Variants in THSD7B observed in about 807,000 individuals in gnomAD.
The protein encoded by THSD7B is thrombospondin type-1 domain-containing protein 7B.
A neutral mutation model predicts 213.6 loss-of-function variants in THSD7B; 138 were observed. The observed-to-expected ratio is 0.65, with a 90% CI of 0.56 to 0.74. The LOEUF (loss-of-function observed/expected upper bound fraction) is 0.74, where lower values mean the gene tolerates loss of function less well. THSD7B is among the 30% of genes least tolerant of loss of function. The pLI is 0.00. For missense variants in THSD7B, 1,931 were observed against 1,991.5 expected, an observed-to-expected ratio of 0.97 and a Z score of 0.58; for synonymous variants, 742 against 687.0, an observed-to-expected ratio of 1.08 and a Z score of -1.25.
rs1291034873 is a variant in THSD7B, at chr2:137,657,089, G to A, written c.4304G>A (p.Trp1435Ter). The change falls in exon 24 of 28, where the codon TGG becomes TAG. Residue 1435 changes from tryptophan to a stop codon, truncating the protein, a stop_gained. Transcript: ENST00000409968. LOFTEE classifies it high-confidence loss of function. ...GGAGGCAAATGTTATCACTACACAT[G>A]GAAAGCAAGTCTTTGGAACAATAAC... ...CTGGKCYHYT[W>*]KASLWNNNER... 1 of 1,613,984 alleles carries A rather than the reference G, an allele frequency of 6.2e-7. No homozygotes were observed. The highest frequency in any genetic ancestry group is 8.5e-7 in the Non-Finnish European group (1 of 1,179,894).
intron 2 of THSD7B, among the ~76,000 whole-genome samples, chr2:136,897,690 AC>A (rs1419746108): frequency 6.6e-6 from 1 of 152,172 alleles, no homozygotes; most frequent in African/African-American, 2.4e-5. Flanking sequence ...TGCTGATTGG[AC>A]CATTTTACAG....
chr2:137,078,460 A>T (rs1687676353), intron 3 of THSD7B, among the ~76,000 whole-genome samples: 1 of 152,142 alleles, frequency 6.6e-6, no homozygotes, highest in South Asian at 2.1e-4. Context: ...AAGAGTTCTA[A>T]CCCACACCAT....
At chr2:136,874,615 C>T (rs996194059) in intron 1 of THSD7B, among the ~76,000 whole-genome samples, 4 of 152,002 alleles carry the variant, frequency 2.6e-5, no homozygotes, top group African/African-American at 4.8e-5. Context: ...AGGGCTTCAA[C>T]GATAAGAATA....
chr2:137,225,568 G>T (rs1260858241), intron 7 of THSD7B, among the ~76,000 whole-genome samples: 7 of 152,104 alleles, frequency 4.6e-5, no homozygotes, highest in Non-Finnish European at 1.0e-4. Context: ...AAAACTTTGA[G>T]AAAGTTTTTT....
At chr2:137,645,589 A>T (rs1683015778) in intron 21 of THSD7B, among the ~76,000 whole-genome samples, 1 of 152,016 alleles carries the variant, frequency 6.6e-6, no homozygotes, top group African/African-American at 2.4e-5. Context: ...CTAGGAGCAC[A>T]CTGTTATTTG....
chr2:137,530,301 C>T (rs1292156495), intron 15 of THSD7B, among the ~76,000 whole-genome samples: 1 of 151,878 alleles, frequency 6.6e-6, no homozygotes, highest in African/African-American at 2.4e-5. Context: ...ATGCCTCATA[C>T]CTCTATTAAA....
chr2:137,329,008 G>A (rs899040950), intron 12 of THSD7B, among the ~76,000 whole-genome samples: 1 of 152,104 alleles, frequency 6.6e-6, no homozygotes, highest in Non-Finnish European at 1.5e-5. Context: ...GCAGTAAATT[G>A]GTACCACAAA....
chr2:137,295,027 C>T (rs955756014), intron 12 of THSD7B, among the ~76,000 whole-genome samples: 4 of 152,034 alleles, frequency 2.6e-5, no homozygotes, highest in African/African-American at 9.7e-5. Context: ...TACTCACATA[C>T]TACTTTCATG....
At chr2:137,218,143 G>C (rs188826542) in intron 7 of THSD7B, among the ~76,000 whole-genome samples, 11 of 152,192 alleles carry the variant, frequency 7.2e-5, no homozygotes, top group African/African-American at 2.6e-4. Context: ...CTCTTAAGTA[G>C]ACATCCAATA....
chr2:137,488,839 T>C (rs1296936253), intron 15 of THSD7B, among the ~76,000 whole-genome samples: 1 of 152,170 alleles, frequency 6.6e-6, no homozygotes, highest in Non-Finnish European at 1.5e-5. Context: ...GCCTATCCTG[T>C]AGGATGAGCC....
At chr2:137,512,723 A>C (rs1573676358) in intron 15 of THSD7B, among the ~76,000 whole-genome samples, 2 of 152,082 alleles carry the variant, frequency 1.3e-5, no homozygotes, top group African/African-American at 4.8e-5. Context: ...GACCCTGAAA[A>C]GCCTATGAAA....
At chr2:137,224,663 T>A (rs1374457043) in intron 7 of THSD7B, among the ~76,000 whole-genome samples, 1 of 152,154 alleles carries the variant, frequency 6.6e-6, no homozygotes. Context: ...TGTTAGCTAC[T>A]ATTATTATTA....
intron 27 of THSD7B, among the ~76,000 whole-genome samples, chr2:137,671,246 TTAAA>T (rs200331444): frequency 0.24 from 15,142 of 62,528 alleles, 1,404 homozygotes; most frequent in East Asian, 0.48. Flanking sequence ...TTTTTTTTTT[TTAAA>T]AAAAAAAAAA....
intron 2 of THSD7B, among the ~76,000 whole-genome samples, chr2:136,954,587 G>A (rs1265537070): frequency 6.6e-6 from 1 of 151,878 alleles, no homozygotes; most frequent in Non-Finnish European, 1.5e-5. Context: ...GAGGTGGCGG[G>A]CGCCTGTAGT....
At chr2:137,308,212 G>A (rs567078749) in intron 12 of THSD7B, among the ~76,000 whole-genome samples, 1 of 152,070 alleles carries the variant, frequency 6.6e-6, no homozygotes, top group East Asian at 1.9e-4. Flanking sequence ...TAGCGATGAT[G>A]GAGATGGCTC....
In THSD7B at chr2:136,837,256, G is replaced by C. The variant is rs1224803759; in HGVS notation, c.-35-44888G>C. Among the ~76,000 whole-genome samples, 4 of 152,232 alleles carry C rather than the reference G, an allele frequency of 2.6e-5. No individual in the cohort carries two copies. In the East Asian group the frequency reaches 7.7e-4, roughly 29 times the overall value. ...GTCCTTACTATGGCCTGTAAGATCT[G>C]CCAGGGTCTGGCCATTGCCTGTGGC... On this transcript the variant is annotated intron_variant, in intron 1 of 27. Transcript: ENST00000409968.
chr2:136,994,279 C>T (rs1296200230), intron 2 of THSD7B, among the ~76,000 whole-genome samples: 6 of 152,144 alleles, frequency 3.9e-5, no homozygotes, highest in Non-Finnish European at 7.4e-5. Flanking sequence ...CTAAGAAAGC[C>T]TATAGGGCCG....
At chr2:137,362,896 T>C (rs891069555) in intron 12 of THSD7B, among the ~76,000 whole-genome samples, 2 of 152,178 alleles carry the variant, frequency 1.3e-5, no homozygotes, top group African/African-American at 4.8e-5. Flanking sequence ...CTAATAGACA[T>C]CTACAGAACT....
intron 4 of THSD7B, among the ~76,000 whole-genome samples, chr2:137,102,028 A>C (rs566985634): frequency 6.6e-6 from 1 of 152,284 alleles, no homozygotes; most frequent in South Asian, 2.1e-4. Flanking sequence ...CCAGCACAGC[A>C]CTCAAGCTCT....
Sources: gnomAD v4.1 joint callset for allele counts (sites outside exome capture counted in the v4.1 genomes callset) on GRCh38, gnomAD v4.1.1 for gene constraint, MANE v1.5 for transcripts, NCBI Gene and HGNC (gene_info 2026-07-23, HGNC 2026-07-21) for gene names.